The following OR3A2 variants were observed in gnomAD, a reference collection of about 807,000 sequenced individuals.
OR3A2 encodes olfactory receptor family 3 subfamily A member 2.
For synonymous variants in OR3A2, 126 were observed against 159.3 expected (o/e 0.79, Z 1.57); for missense variants, 318 against 392.8 (o/e 0.81, Z 1.61).
intron 3 of OR3A2, among the ~76,000 whole-genome samples, chr17:3,307,186 T>C (rs1210773348): frequency 2.0e-5 from 3 of 152,186 alleles, no homozygotes; most frequent in Admixed American, 1.3e-4. Flanking sequence ...CAGGGACTCA[T>C]AGGCAGTTTC....
intron 2 of OR3A2, among the ~76,000 whole-genome samples, chr17:3,381,050 T>C (rs1430991950): frequency 6.6e-6 from 1 of 152,134 alleles, no homozygotes; most frequent in East Asian, 1.9e-4. Context: ...TATGTTTTTC[T>C]CTAGTGCACG....
intron 2 of OR3A2, among the ~76,000 whole-genome samples, chr17:3,367,601 GTATATATA>G (rs553464584): frequency 8.2e-6 from 1 of 122,522 alleles, no homozygotes; most frequent in East Asian, 2.2e-4. Context: ...GTGTGTGTGT[GTATATATA>G]TATATATATA....
chr17:3,307,786 A>C (rs2049009400), intron 3 of OR3A2, among the ~76,000 whole-genome samples: 1 of 152,148 alleles, frequency 6.6e-6, no homozygotes, highest in Non-Finnish European at 1.5e-5. Context: ...TGGCAAGAAC[A>C]CTGATCCAGG....
At chr17:3,321,216 TG>T (rs2049119155) in intron 3 of OR3A2, among the ~76,000 whole-genome samples, 1 of 151,528 alleles carries the variant, frequency 6.6e-6, no homozygotes, top group Non-Finnish European at 1.5e-5. Context: ...GTGTGATTTT[TG>T]TACATTGATT....
intron 3 of OR3A2, among the ~76,000 whole-genome samples, chr17:3,315,751 T>TGG (rs59845428): frequency 0.019 from 2,450 of 128,086 alleles, 51 homozygotes; most frequent in African/African-American, 0.039. Context: ...GGTGAAAATA[T>TGG]GGGGGGGGGG....
chr17:3,363,214 C>A (rs1035895646), intron 2 of OR3A2, among the ~76,000 whole-genome samples: 2 of 151,702 alleles, frequency 1.3e-5, no homozygotes, highest in Non-Finnish European at 2.9e-5. Context: ...GGTCAGGCTG[C>A]AAATTTTTCA....
At chr17:3,297,380 G>C (rs1312943826) in intron 3 of OR3A2, among the ~76,000 whole-genome samples, 1 of 152,132 alleles carries the variant, frequency 6.6e-6, no homozygotes, top group East Asian at 1.9e-4. Flanking sequence ...CAGGTTGTAA[G>C]GTTTTACACC....
At chr17:3,325,080 A>T (rs1319723452) in intron 3 of OR3A2, among the ~76,000 whole-genome samples, 1 of 150,280 alleles carries the variant, frequency 6.7e-6, no homozygotes, top group African/African-American at 2.5e-5. Context: ...TACTATTTTT[A>T]TGATTTTGTT....
At chr17:3,385,533 C>T (rs766246843) in intron 1 of OR3A2, among the ~76,000 whole-genome samples, 5 of 152,070 alleles carry the variant, frequency 3.3e-5, no homozygotes, top group Non-Finnish European at 5.9e-5. Context: ...AGGCACTGTG[C>T]GAAGTATTTT....
rs374432091 is a variant in OR3A2, at chr17:3,310,068, C to T, written c.-85+25965G>A. ...CCCCTTTCTACATCAATTCATGGAT[C>T]TCTGTTTGAGTCTGTCCAATGCCAC... On this transcript the variant is annotated intron_variant, in intron 3 of 4. Transcript: ENST00000573491. The T allele has an allele frequency of 1.4e-4, 36 of 251,444 alleles. No individual in the cohort carries two copies. In the South Asian group the frequency reaches 1.8e-3, roughly 13 times the overall value. 15.6% of individuals were successfully genotyped at this position (251,444 alleles called of 1,614,324 possible). A position where few individuals can be genotyped will look rare whatever the true frequency, so the allele number is the denominator to read the frequency against.
intron 3 of OR3A2, among the ~76,000 whole-genome samples, chr17:3,334,439 C>G (rs1043447786): frequency 2.6e-5 from 4 of 152,122 alleles, no homozygotes; most frequent in Admixed American, 6.5e-5. Context: ...AACATAATGA[C>G]CCCCAGTTCC....
chr17:3,344,221 G>A (rs965606559), intron 2 of OR3A2, among the ~76,000 whole-genome samples: 2 of 152,134 alleles, frequency 1.3e-5, no homozygotes, highest in African/African-American at 4.8e-5. Flanking sequence ...TTCACTGCTG[G>A]CTGAGACTTG....
chr17:3,329,040 C>T (rs1646903933), intron 3 of OR3A2, among the ~76,000 whole-genome samples: 1 of 151,222 alleles, frequency 6.6e-6, no homozygotes, highest in East Asian at 1.9e-4. Context: ...TTGAACCAGC[C>T]TTGCATCCCA....
At chr17:3,319,409 G>A (rs753068930) in intron 3 of OR3A2, among the ~76,000 whole-genome samples, 9 of 151,520 alleles carry the variant, frequency 5.9e-5, no homozygotes, top group Non-Finnish European at 1.2e-4. Flanking sequence ...AAGTTTTAGG[G>A]TACATGTGCA....
intron 2 of OR3A2, among the ~76,000 whole-genome samples, chr17:3,368,118 T>C (rs1597360987): frequency 6.6e-6 from 1 of 152,356 alleles, no homozygotes; most frequent in Middle Eastern, 3.4e-3. Context: ...GAGTTCCTTA[T>C]AGATTCTGGA....
intron 2 of OR3A2, among the ~76,000 whole-genome samples, chr17:3,379,954 T>C (rs1452830854): frequency 6.6e-6 from 1 of 152,156 alleles, no homozygotes; most frequent in Admixed American, 6.5e-5. Context: ...GAGGCTGCAC[T>C]AGCTGAGGAC....
upstream of OR3A2, among the ~76,000 whole-genome samples, chr17:3,285,011 A>G (rs559789109): frequency 1.6e-4 from 25 of 152,068 alleles, no homozygotes; most frequent in Non-Finnish European, 3.5e-4. Flanking sequence ...GGGACTTGTT[A>G]GTGGGGGACA....
chr17:3,309,078 G>A (rs1295125168), intron 3 of OR3A2, among the ~76,000 whole-genome samples: 1 of 152,000 alleles, frequency 6.6e-6, no homozygotes, highest in Non-Finnish European at 1.5e-5. Context: ...GCTAATTTTT[G>A]TATTTTTAGT....
intron 2 of OR3A2, among the ~76,000 whole-genome samples, chr17:3,346,228 G>A (rs981822896): frequency 3.9e-5 from 6 of 152,132 alleles, no homozygotes; most frequent in Non-Finnish European, 8.8e-5. Flanking sequence ...ATTCTGTGTG[G>A]TATATATACT....
Sources: gnomAD v4.1 joint callset for allele counts (sites outside exome capture counted in the v4.1 genomes callset) on GRCh38, gnomAD v4.1.1 for gene constraint, MANE v1.5 for transcripts, NCBI Gene and HGNC (gene_info 2026-07-23, HGNC 2026-07-21) for gene names.